ZNF106: variants seen among roughly 807,000 people sequenced by gnomAD.
ZNF106 encodes zinc finger protein 106.
Under a neutral mutation model 195.1 loss-of-function variants are expected in ZNF106, and 67 were observed. The ratio of observed to expected loss-of-function variants is 0.34; its 90% CI spans 0.28 to 0.42. ZNF106 has a LOEUF of 0.42. ZNF106 is among the 10% of genes least tolerant of loss of function. ZNF106 has a pLI of 1.00. For synonymous variants in ZNF106, 784 were observed against 818.6 expected (o/e 0.96, Z 0.72); for missense variants, 2,118 against 2,304.5 (o/e 0.92, Z 1.66).
At chr15:42,484,357 A>G (rs937039480) in intron 1 of ZNF106, among the ~76,000 whole-genome samples, 4 of 152,246 alleles carry the variant, frequency 2.6e-5, no homozygotes, top group Non-Finnish European at 5.9e-5. Flanking sequence ...AGTAACATGT[A>G]TATCAACATA....
chr15:42,444,179 T>C (rs1210233229), intron 9 of ZNF106, 23 bp downstream of exon 9: 4 of 939,920 alleles, frequency 4.3e-6, no homozygotes, highest in Non-Finnish European at 6.4e-6. Flanking sequence ...GAGGGCCCAA[T>C]CCATCAGATG....
rs2055325001 is a variant in ZNF106, at chr15:42,437,431, C to T, written c.4601-54G>A. 7 of 1,588,394 alleles carry T rather than the reference C, an allele frequency of 4.4e-6. No individual in the cohort carries two copies. The South Asian group carries it at 5.8e-5, about 13-fold the overall frequency. ...ATGTCTGCTAGAGTCTGAAAAGATACTCAAAAATCAGAACTATTATACAAT... is the reference window on the plus strand; with the variant it reads ...ATGTCTGCTAGAGTCTGAAAAGATATTCAAAAATCAGAACTATTATACAAT... On this transcript the variant is annotated intron_variant, in intron 12 of 21. Coordinates refer to ENST00000564754, the MANE Select transcript of ZNF106 (RefSeq NM_001366845.3).
chr15:42,439,858 C>G (rs1260146769), intron 10 of ZNF106, 45 bp from the exon 11 acceptor site: 1 of 1,481,630 alleles, frequency 6.7e-7, no homozygotes, highest in East Asian at 2.3e-5. Context: ...TTTGTGTTTG[C>G]TGCAATTTAT....
At chr15:42,438,705 T>A in intron 11 of ZNF106, 38 bp from the exon 12 acceptor site, 1 of 1,593,530 alleles carries the variant, frequency 6.3e-7, no homozygotes, top group Non-Finnish European at 8.6e-7. Context: ...AGCATCTGTG[T>A]GAACAGGGCA....
At chr15:42,441,366 T>A (rs1241417982) in intron 10 of ZNF106, among the ~76,000 whole-genome samples, 1 of 151,830 alleles carries the variant, frequency 6.6e-6, no homozygotes, top group Non-Finnish European at 1.5e-5. Context: ...GCTATATATT[T>A]GATACTAACA....
chr15:42,472,192 A>G (rs1243677444), intron 2 of ZNF106, 44 bp downstream of exon 2: 1 of 1,508,360 alleles, frequency 6.6e-7, no homozygotes, highest in Non-Finnish European at 8.9e-7. Flanking sequence ...TGTCTCTTTA[A>G]AAAATAGTCA....
intron 21 of ZNF106, among the ~76,000 whole-genome samples, 159 bp from the exon 22 acceptor site, chr15:42,417,519 T>C (rs1231859253): frequency 2.0e-5 from 3 of 152,184 alleles, no homozygotes; most frequent in Non-Finnish European, 4.4e-5. Context: ...AACCATGTAC[T>C]TAAAGGTGAG....
intron 12 of ZNF106, 150 bp downstream of exon 12, chr15:42,438,462 G>C (rs2055369429): frequency 1.5e-6 from 1 of 666,374 alleles, no homozygotes; most frequent in East Asian, 2.7e-5. Flanking sequence ...AAGAATATCA[G>C]AACTGTTGAT....
intron 1 of ZNF106, among the ~76,000 whole-genome samples, chr15:42,490,055 A>T (rs976951119): frequency 2.6e-5 from 4 of 151,154 alleles, no homozygotes; most frequent in South Asian, 2.1e-4. Flanking sequence ...AATAATAATA[A>T]TAAAAATAAA....
At chr15:42,466,291 T>C (rs937380944) in intron 2 of ZNF106, among the ~76,000 whole-genome samples, 177 bp from the exon 3 acceptor site, 53 of 152,224 alleles carry the variant, frequency 3.5e-4, no homozygotes, top group African/African-American at 1.3e-3. Flanking sequence ...TGTTTTTTAA[T>C]ATATTTCATG....
chr15:42,484,923 C>A (rs1189500293), intron 1 of ZNF106, among the ~76,000 whole-genome samples: 2 of 152,110 alleles, frequency 1.3e-5, no homozygotes, highest in Non-Finnish European at 2.9e-5. Flanking sequence ...ACCTGGGAAG[C>A]GGAGGCGGGC....
chr15:42,472,191 A>T (rs1294865256), intron 2 of ZNF106, 45 bp downstream of exon 2: 4 of 1,503,346 alleles, frequency 2.7e-6, no homozygotes, highest in Non-Finnish European at 2.7e-6. Flanking sequence ...ATGTCTCTTT[A>T]AAAAATAGTC....
At chr15:42,424,196 CAG>C (rs765761144) in intron 16 of ZNF106, 136 bp from the exon 17 acceptor site, 240 of 701,348 alleles carry the variant, frequency 3.4e-4, no homozygotes, top group Non-Finnish European at 4.9e-4. Flanking sequence ...AAAAGTTTCT[CAG>C]ATGAATTTTC....
At chr15:42,441,625 A>C (rs1277000919) in intron 10 of ZNF106, 1 of 153,604 alleles carries the variant, frequency 6.5e-6, no homozygotes, top group Admixed American at 6.5e-5. Flanking sequence ...GCAAGTTCTT[A>C]GTAGATGATT....
intron 15 of ZNF106, among the ~76,000 whole-genome samples, chr15:42,426,186 C>G (rs2054850338): frequency 6.6e-6 from 1 of 152,148 alleles, no homozygotes; most frequent in Non-Finnish European, 1.5e-5. Flanking sequence ...ACTCCAGAAG[C>G]ACTACATTCT....
chr15:42,426,720 G>A (rs1376574026), intron 15 of ZNF106, among the ~76,000 whole-genome samples: 1 of 151,908 alleles, frequency 6.6e-6, no homozygotes, highest in Non-Finnish European at 1.5e-5. Context: ...GTCTACTTCT[G>A]ATAATCTCAC....
intron 3 of ZNF106, among the ~76,000 whole-genome samples, chr15:42,459,244 G>A (rs1337927274): frequency 6.6e-6 from 1 of 152,124 alleles, no homozygotes; most frequent in African/African-American, 2.4e-5. Context: ...GGGAGGCCGA[G>A]GCGGATGGAT....
At chr15:42,444,575 A>ACCACTTTCTTGCTGT (rs1555428104) in intron 8 of ZNF106, among the ~76,000 whole-genome samples, 1 of 151,950 alleles carries the variant, frequency 6.6e-6, no homozygotes, top group Admixed American at 6.6e-5. Flanking sequence ...TAGGGAGAAC[A>ACCACTTTCTTGCTGT]CCCTTGTGGG....
In ZNF106 at chr15:42,476,645, G is replaced by GTA. The variant is rs144853776; in HGVS notation, c.-32-4326_-32-4325dup. The stretch of plus-strand genomic sequence containing the variant: ...ACATTTAGTAATCTTTATCCATTTT[G>GTA]TATATATATATATATTCATAAAGTG... On this transcript the variant is annotated intron_variant, in intron 1 of 21. Coordinates refer to ENST00000564754, the MANE Select transcript of ZNF106 (RefSeq NM_001366845.3). 3.6e-3 allele frequency among the ~76,000 whole-genome samples: 532 copies of GTA among 149,710 alleles called. 1 individual carries two copies. Among genetic ancestry groups the GTA allele is most frequent in the Admixed American group, 7.4e-3 (111 of 14,948 alleles).
Sources: gnomAD v4.1 joint callset for allele counts (sites outside exome capture counted in the v4.1 genomes callset) on GRCh38, gnomAD v4.1.1 for gene constraint, MANE v1.5 for transcripts, NCBI Gene and HGNC (gene_info 2026-07-23, HGNC 2026-07-21) for gene names.